The following DCTD variants were observed in gnomAD, a reference collection of about 807,000 sequenced individuals.
DCTD encodes the protein deoxycytidylate deaminase.
In DCTD, 23 loss-of-function variants were observed where a neutral mutation model predicts 21.0. The ratio of observed to expected loss-of-function variants is 1.09; its 90% CI spans 0.79 to 1.55. The LOEUF (loss-of-function observed/expected upper bound fraction) is 1.55. DCTD is among the 40% of genes most tolerant of loss of function. DCTD has a pLI of 0.00. For missense variants in DCTD, 224 were observed against 230.0 expected, an observed-to-expected ratio of 0.97 and a Z score of 0.17; for synonymous variants, 71 against 81.1, an observed-to-expected ratio of 0.88 and a Z score of 0.67.
intron 1 of DCTD, chr4:182,916,867 C>G: frequency 4.9e-6 from 5 of 1,026,682 alleles, no homozygotes; most frequent in Non-Finnish European, 5.9e-6. Context: ...GCTGTAGAAA[C>G]AGAGAGAACT....
intron 3 of DCTD, among the ~76,000 whole-genome samples, chr4:182,898,542 T>C (rs577351651): frequency 6.6e-6 from 1 of 152,332 alleles, no homozygotes; most frequent in South Asian, 2.1e-4. Flanking sequence ...AACAGGTGAC[T>C]TTCTCTAAAA....
At chr4:182,913,863 C>T (rs1209046600) in intron 3 of DCTD, among the ~76,000 whole-genome samples, 4 of 152,202 alleles carry the variant, frequency 2.6e-5, no homozygotes, top group African/African-American at 9.6e-5. Context: ...GGAATTTTCC[C>T]TGGGGCTTAG....
At chr4:182,909,512 G>A (rs900045639) in intron 3 of DCTD, among the ~76,000 whole-genome samples, 1 of 152,174 alleles carries the variant, frequency 6.6e-6, no homozygotes, top group African/African-American at 2.4e-5. Context: ...GGGGAGGAGC[G>A]GCAGGAAGCT....
chr4:182,904,927 C>G (rs996164166), intron 3 of DCTD, among the ~76,000 whole-genome samples: 2 of 152,200 alleles, frequency 1.3e-5, no homozygotes, highest in Non-Finnish European at 2.9e-5. Context: ...CCAGAAATCT[C>G]TATCTCACTC....
intron 3 of DCTD, among the ~76,000 whole-genome samples, chr4:182,907,338 A>G (rs1736904714): frequency 6.6e-6 from 1 of 152,170 alleles, no homozygotes; most frequent in Admixed American, 6.5e-5. Context: ...GGATTTCGCC[A>G]TGTTGCCCAG....
chr4:182,892,104 C>T (rs1390699852), intron 5 of DCTD, among the ~76,000 whole-genome samples: 9 of 152,042 alleles, frequency 5.9e-5, no homozygotes, highest in African/African-American at 2.2e-4. Context: ...TTTAAAGTCT[C>T]AGAAGGCACC....
chr4:182,917,345 C>G lies in DCTD; in HGVS notation c.-42G>C, dbSNP rs1009917931. The G allele has an allele frequency of 5.5e-6, 6 of 1,094,716 alleles. No homozygotes were observed. Among genetic ancestry groups the G allele is most frequent in the African/African-American group, 5.0e-5 (3 of 59,710 alleles). The allele number at this position is 1,094,716 out of a possible 1,614,324, so 67.8% of individuals were successfully genotyped here. Reference sequence around the variant, plus strand: ...CCGGCTCCGCGCGCAGGCCGGTGCTCGTCCCCGCCGCCGCCGTGCTCAGGG... The same window carrying G: ...CCGGCTCCGCGCGCAGGCCGGTGCTGGTCCCCGCCGCCGCCGTGCTCAGGG... On this transcript the variant is annotated 5_prime_UTR_variant, in exon 1 of 6. Transcript: ENST00000438320. The surrounding 1 kb of genome is among the most constrained non-coding windows in gnomAD (Gnocchi z 4.9).
chr4:182,894,937 C>T (rs531525134), intron 3 of DCTD, among the ~76,000 whole-genome samples: 3 of 152,330 alleles, frequency 2.0e-5, no homozygotes, highest in East Asian at 1.9e-4. Context: ...TGTGCTGACA[C>T]GCACACATGG....
rs753365252 is a variant in DCTD at position 182,894,498 on chromosome 4, T to C, written c.352A>G (p.Ile118Val). The C allele has an allele frequency of 1.0e-5, 16 of 1,607,614 alleles. No individual in the cohort carries two copies. Among genetic ancestry groups the C allele is most frequent in the Non-Finnish European group, 1.4e-5 (16 of 1,174,194 alleles). Reference sequence around the variant, plus strand: ...AAGACCCGGTTCCTACCTGCCTGGATGATGAGCTTAGCGCATTCATTACAA... The same window carrying C: ...AAGACCCGGTTCCTACCTGCCTGGACGATGAGCTTAGCGCATTCATTACAA... The part of the protein sequence containing the change: ...FPCNECAKLI[I>V]QAGIKEVIFM... The change falls in exon 4 of 6, where the codon ATC becomes GTC. Residue 118 changes from isoleucine (I) to valine (V), a missense_variant. Physicochemically the swap from Ile to Val is conservative, Grantham distance 29. Transcript: ENST00000438320.
intron 3 of DCTD, 32 bp from the exon 4 acceptor site, chr4:182,894,637 T>C: frequency 7.0e-7 from 1 of 1,434,674 alleles, no homozygotes; most frequent in Non-Finnish European, 9.8e-7. Context: ...AAGAAAAACT[T>C]TGGTTGCAGC....
chr4:182,899,397 T>TC (rs1359753989), intron 3 of DCTD, among the ~76,000 whole-genome samples: 1 of 136,844 alleles, frequency 7.3e-6, no homozygotes, highest in African/African-American at 2.9e-5. Flanking sequence ...GCCCTTTTTT[T>TC]TCTTTTTCTT....
intron 3 of DCTD, among the ~76,000 whole-genome samples, chr4:182,907,217 C>T (rs760076662): frequency 1.3e-5 from 2 of 152,136 alleles, no homozygotes; most frequent in African/African-American, 2.4e-5. Flanking sequence ...CTCACTGCTG[C>T]CTTGGCCTCC....
chr4:182,912,330 G>A (rs1737849808), intron 3 of DCTD, among the ~76,000 whole-genome samples: 1 of 151,976 alleles, frequency 6.6e-6, no homozygotes, highest in Non-Finnish European at 1.5e-5. Context: ...GTATTATGGC[G>A]GCAGTAATAC....
chr4:182,916,713 G>A, intron 1 of DCTD: 2 of 1,058,774 alleles, frequency 1.9e-6, no homozygotes, highest in Middle Eastern at 2.7e-4. Flanking sequence ...GTGGGGTGCT[G>A]GAGAAGTACC....
Position 182,915,095 on chromosome 4 carries a change from A to G in DCTD, c.109-37T>C, listed in dbSNP as rs375799384. 7 of 1,613,898 alleles carry G rather than the reference A, an allele frequency of 4.3e-6. No individual in the cohort carries two copies. In the African/African-American group the frequency reaches 8.0e-5, roughly 18 times the overall value. On this transcript the variant is annotated intron_variant, in intron 2 of 5. Coordinates refer to ENST00000438320, the MANE Select transcript of DCTD (RefSeq NM_001921.3). ...CATGCCCAAAGGCTTGGTGCCTGCA[A>G]CTGGCTGGTCTGCCGCTGTGGAAGC...
At chr4:182,897,704 C>T (rs6552622) in intron 3 of DCTD, among the ~76,000 whole-genome samples, 5 of 152,016 alleles carry the variant, frequency 3.3e-5, no homozygotes, top group South Asian at 4.2e-4. Flanking sequence ...TGCTGGTTCC[C>T]GTACCCTTCC....
chr4:182,917,376 A>C lies in DCTD; in HGVS notation c.-73T>G. 1.0e-5 allele frequency: 11 copies of C among 1,061,738 alleles called. No homozygotes were observed. Among genetic ancestry groups the C allele is most frequent in the East Asian group, 6.6e-5 (1 of 15,172 alleles). The allele number at this position is 1,061,738 out of a possible 1,614,324, so 65.8% of individuals were successfully genotyped here. A position where few individuals can be genotyped will look rare whatever the true frequency, so the allele number is the denominator to read the frequency against. On this transcript the variant is annotated 5_prime_UTR_variant, in exon 1 of 6. Coordinates refer to ENST00000438320, the MANE Select transcript of DCTD (RefSeq NM_001921.3). This position sits in a 1 kb window ranked among gnomAD's most constrained non-coding sequence, Gnocchi z 4.9. The stretch of plus-strand genomic sequence containing the variant: ...CGCCGCCGCCGTGCTCAGGGAAGGA[A>C]GTCGGGGGAGGAGGCGGGGCCGCCG...
Position 182,917,076 on chromosome 4 carries a change from G to A in DCTD, c.-8+235C>T, listed in dbSNP as rs939935128. ...ACTCCAAGGGGCCCGGCCTCGCACA[G>A]GCCGCGGCGCCCGCCGAGAAATCGA... is the stretch of plus-strand genomic sequence containing the variant. On this transcript the variant is annotated intron_variant, in intron 1 of 5. Coordinates refer to ENST00000438320, the MANE Select transcript of DCTD (RefSeq NM_001921.3). This position sits in a 1 kb window ranked among gnomAD's most constrained non-coding sequence, Gnocchi z 4.9. 1 of 980,842 alleles carries A rather than the reference G, an allele frequency of 1.0e-6. No homozygotes were observed. Among genetic ancestry groups the A allele is most frequent in the African/African-American group, 1.8e-5 (1 of 55,424 alleles). The allele number at this position is 980,842 out of a possible 1,614,324, so 60.8% of individuals were successfully genotyped here. A position where few individuals can be genotyped will look rare whatever the true frequency, so the allele number is the denominator to read the frequency against.
chr4:182,893,108 G>A lies in DCTD; in HGVS notation c.381C>T (p.Phe127=), dbSNP rs763330287. The stretch of plus-strand genomic sequence containing the variant: ...CACTATCATGGTATTTATCAGACAT[G>A]AAAATCACTTCTTTTATACCTGTAA... ...IIQAGIKEVI[F]MSDKYHDSDE... is the part of the protein sequence containing the mutation. The change falls in exon 5 of 6, where the codon TTC becomes TTT. Residue 127 remains phenylalanine (F), a synonymous_variant. Coordinates refer to ENST00000438320, the MANE Select transcript of DCTD (RefSeq NM_001921.3). 1.2e-5 allele frequency: 19 copies of A among 1,607,658 alleles called. No individual in the cohort carries two copies. The highest frequency in any genetic ancestry group is 1.3e-5 in the Non-Finnish European group (15 of 1,175,402).
Sources: gnomAD v4.1 joint callset for allele counts (sites outside exome capture counted in the v4.1 genomes callset) on GRCh38, gnomAD v4.1.1 for gene constraint, Gnocchi (gnomAD v3.1) non-coding constraint, MANE v1.5 for transcripts, NCBI Gene and HGNC (gene_info 2026-07-23, HGNC 2026-07-21) for gene names.